The following ADAMTSL1 variants were observed in gnomAD, a reference collection of about 807,000 sequenced individuals.
The protein encoded by ADAMTSL1 is ADAMTS-like protein 1.
Under a neutral mutation model 201.8 loss-of-function variants are expected in ADAMTSL1, and 126 were observed. That is an observed-to-expected ratio of 0.62 (90% CI 0.54 to 0.72). The LOEUF (loss-of-function observed/expected upper bound fraction) is 0.72, where lower values mean the gene tolerates loss of function less well. Ranked by LOEUF, ADAMTSL1 falls within the 30% of genes least tolerant of loss-of-function variation. The pLI, the probability that ADAMTSL1 is intolerant of heterozygous loss-of-function variation, is 0.00. For synonymous variants in ADAMTSL1, 1,121 were observed against 903.4 expected (o/e 1.24, Z -4.32); for missense variants, 2,679 against 2,277.8 (o/e 1.18, Z -3.59).
At chr9:18,892,301 C>A in intron 25 of ADAMTSL1, 88 bp from the exon 26 acceptor site, 1 of 1,348,056 alleles carries the variant, frequency 7.4e-7, no homozygotes, top group Non-Finnish European at 1.0e-6. Context: ...AAATTAGTGG[C>A]AAGAGCAGGG....
intron 26 of ADAMTSL1, among the ~76,000 whole-genome samples, chr9:18,894,782 G>A (rs759617325): frequency 8.5e-5 from 13 of 152,116 alleles, no homozygotes; most frequent in Non-Finnish European, 1.3e-4. Flanking sequence ...GTATACAAGT[G>A]GTGGCTAAGA....
chr9:18,891,884 C>T (rs946197235), intron 25 of ADAMTSL1, among the ~76,000 whole-genome samples: 1 of 152,206 alleles, frequency 6.6e-6, no homozygotes, highest in African/African-American at 2.4e-5. Flanking sequence ...AGTTACAAAA[C>T]AACAAATTTA....
chr9:18,262,705 A>T (rs1159117372), intron 2 of ADAMTSL1, among the ~76,000 whole-genome samples: 1 of 152,232 alleles, frequency 6.6e-6, no homozygotes, highest in African/African-American at 2.4e-5. Context: ...AAATATTTCA[A>T]ATAGGAAAAG....
intron 2 of ADAMTSL1, among the ~76,000 whole-genome samples, chr9:18,422,247 A>G (rs1818989308): frequency 6.6e-6 from 1 of 152,176 alleles, no homozygotes; most frequent in African/African-American, 2.4e-5. Flanking sequence ...GCCACTTTGT[A>G]AATTTGGATG....
intron 2 of ADAMTSL1, among the ~76,000 whole-genome samples, chr9:18,187,399 T>C (rs1173816266): frequency 2.0e-5 from 3 of 152,154 alleles, no homozygotes; most frequent in Non-Finnish European, 4.4e-5. Flanking sequence ...TGTCCATAGG[T>C]TCACATTGGG....
At chr9:18,188,708 T>C (rs558744821) in intron 2 of ADAMTSL1, among the ~76,000 whole-genome samples, 62 of 152,314 alleles carry the variant, frequency 4.1e-4, no homozygotes, top group Non-Finnish European at 7.2e-4. Context: ...GATTCATGGG[T>C]CAACCCTCCT....
At chr9:17,987,564 T>G (rs1818980535) in intron 1 of ADAMTSL1, among the ~76,000 whole-genome samples, 1 of 152,044 alleles carries the variant, frequency 6.6e-6, no homozygotes. Flanking sequence ...TAATAGTTTG[T>G]TAAGCAGTCT....
intron 2 of ADAMTSL1, among the ~76,000 whole-genome samples, chr9:18,167,613 G>A (rs1412696230): frequency 6.6e-6 from 1 of 151,904 alleles, no homozygotes; most frequent in Non-Finnish European, 1.5e-5. Context: ...GCAGGTAACT[G>A]GTGTGGGGCA....
At chr9:18,702,224 A>C (rs534639466) in intron 13 of ADAMTSL1, among the ~76,000 whole-genome samples, 1 of 152,344 alleles carries the variant, frequency 6.6e-6, no homozygotes, top group African/African-American at 2.4e-5. Flanking sequence ...GAGAGCTACA[A>C]GATGAGATTT....
chr9:18,066,797 C>G (rs1044323522), intron 1 of ADAMTSL1, among the ~76,000 whole-genome samples: 5 of 152,154 alleles, frequency 3.3e-5, no homozygotes, highest in African/African-American at 1.2e-4. Context: ...CCATGGAATA[C>G]TATGCAGCCA....
chr9:18,179,044 T>G (rs1417150299), intron 2 of ADAMTSL1, among the ~76,000 whole-genome samples: 1 of 152,184 alleles, frequency 6.6e-6, no homozygotes, highest in Admixed American at 6.5e-5. Flanking sequence ...TTTGACGAGC[T>G]GAGAGAAGAA....
intron 9 of ADAMTSL1, among the ~76,000 whole-genome samples, chr9:18,673,491 C>G (rs535965256): frequency 6.6e-6 from 1 of 152,218 alleles, no homozygotes; most frequent in Non-Finnish European, 1.5e-5. Flanking sequence ...TATAGTTTTG[C>G]TGAATCCAGG....
chr9:18,387,328 T>A (rs1837839384), intron 2 of ADAMTSL1, among the ~76,000 whole-genome samples: 1 of 151,970 alleles, frequency 6.6e-6, no homozygotes, highest in South Asian at 2.1e-4. Context: ...CATATAGTAA[T>A]GATACCATGG....
At chr9:17,948,770 A>G (rs1248862096) in intron 1 of ADAMTSL1, among the ~76,000 whole-genome samples, 2 of 152,218 alleles carry the variant, frequency 1.3e-5, no homozygotes, top group East Asian at 1.9e-4. Flanking sequence ...AAATGCTAAT[A>G]AAAAGACTTT....
chr9:18,838,359 T>TTA (rs1825454646), intron 23 of ADAMTSL1, among the ~76,000 whole-genome samples: 3 of 88,858 alleles, frequency 3.4e-5, no homozygotes, highest in African/African-American at 1.1e-4. Context: ...CCAAACCATA[T>TTA]TACACACACA....
intron 4 of ADAMTSL1, among the ~76,000 whole-genome samples, chr9:18,587,530 A>G (rs911313728): frequency 3.3e-5 from 5 of 152,166 alleles, no homozygotes; most frequent in African/African-American, 4.8e-5. Context: ...GAAATATACA[A>G]TAACTTATTG....
At chr9:18,590,344 T>C (rs952046776) in intron 4 of ADAMTSL1, among the ~76,000 whole-genome samples, 1 of 152,126 alleles carries the variant, frequency 6.6e-6, no homozygotes, top group Admixed American at 6.5e-5. Context: ...TATATTTCTA[T>C]GGTGTCACCT....
intron 8 of ADAMTSL1, among the ~76,000 whole-genome samples, chr9:18,661,322 G>C (rs1474030031): frequency 6.6e-6 from 1 of 152,156 alleles, no homozygotes; most frequent in Non-Finnish European, 1.5e-5. Context: ...TAACAGGGAG[G>C]TGTTTTTACT....
chr9:18,379,710 G>C (rs543853934), intron 2 of ADAMTSL1, among the ~76,000 whole-genome samples: 51 of 152,178 alleles, frequency 3.4e-4, no homozygotes, highest in Non-Finnish European at 1.5e-5. Context: ...TACCGGATGA[G>C]AGCATAAAAT....
Sources: allele counts gnomAD v4.1 joint callset (sites outside exome capture counted in the v4.1 genomes callset), GRCh38; gene constraint gnomAD v4.1.1; transcripts MANE v1.5; gene names NCBI Gene and HGNC (gene_info 2026-07-23, HGNC 2026-07-21).